Variants in ORC4 observed in about 807,000 individuals in gnomAD.
The protein encoded by ORC4 is origin recognition complex, subunit 4 homolog.
Under a neutral mutation model 63.9 loss-of-function variants are expected in ORC4, and 55 were observed. The observed-to-expected ratio is 0.86, with a 90% CI of 0.69 to 1.08. The LOEUF is 1.08. Ranked by LOEUF, ORC4 falls within the 50% of genes least tolerant of loss-of-function variation. ORC4 has a pLI of 0.00. For synonymous variants in ORC4, 150 were observed against 168.5 expected, an observed-to-expected ratio of 0.89 and a Z score of 0.85; for missense variants, 511 against 504.4, an observed-to-expected ratio of 1.01 and a Z score of -0.13.
intron 4 of ORC4, among the ~76,000 whole-genome samples, chr2:147,960,856 G>A (rs923255001): frequency 1.3e-5 from 2 of 152,126 alleles, no homozygotes; most frequent in Non-Finnish European, 1.5e-5. Flanking sequence ...GCCGCTGGGC[G>A]CCAGCATGGG....
At chr2:148,011,647 G>T (rs1356757414) in intron 1 of ORC4, among the ~76,000 whole-genome samples, 1 of 152,122 alleles carries the variant, frequency 6.6e-6, no homozygotes, top group Non-Finnish European at 1.5e-5. Flanking sequence ...TGAAATAAAG[G>T]GCATTTAAAT....
chr2:147,960,012 T>G (rs1334286377), intron 4 of ORC4, among the ~76,000 whole-genome samples: 3 of 152,202 alleles, frequency 2.0e-5, no homozygotes, highest in Non-Finnish European at 4.4e-5. Context: ...TTATTTTTTT[T>G]GCAATCCATG....
At chr2:148,020,094 A>T (rs576260663) in intron 1 of ORC4, among the ~76,000 whole-genome samples, 2 of 152,212 alleles carry the variant, frequency 1.3e-5, no homozygotes, top group Non-Finnish European at 2.9e-5. Flanking sequence ...TGTTGTAGCA[A>T]CAACGCAAGA....
chr2:148,005,706 C>T (rs1207265811), intron 1 of ORC4, among the ~76,000 whole-genome samples: 2 of 144,298 alleles, frequency 1.4e-5, no homozygotes, highest in African/African-American at 5.1e-5. Flanking sequence ...TCAGCTGGCA[C>T]AGTGGTACAT....
chr2:147,965,133 G>T (rs1689827011), intron 4 of ORC4, among the ~76,000 whole-genome samples: 1 of 152,002 alleles, frequency 6.6e-6, no homozygotes, highest in Admixed American at 6.6e-5. Context: ...AAACTCACTG[G>T]TACTGCGGAT....
chr2:147,991,570 T>C (rs1355306969), intron 1 of ORC4, among the ~76,000 whole-genome samples: 1 of 152,104 alleles, frequency 6.6e-6, no homozygotes, highest in African/African-American at 2.4e-5. Flanking sequence ...GGCTCACACC[T>C]GTAATCCCAG....
intron 10 of ORC4, among the ~76,000 whole-genome samples, chr2:147,942,569 A>G (rs1308938772): frequency 1.3e-5 from 2 of 152,154 alleles, no homozygotes; most frequent in Non-Finnish European, 2.9e-5. Flanking sequence ...AACTCTCAGC[A>G]AGTTACAAAC....
intron 1 of ORC4, among the ~76,000 whole-genome samples, chr2:147,984,906 T>C (rs1213250753): frequency 6.6e-6 from 1 of 152,248 alleles, no homozygotes; most frequent in Admixed American, 6.5e-5. Flanking sequence ...CAATCACATG[T>C]ATATTCATAC....
intron 10 of ORC4, 146 bp downstream of exon 10, chr2:147,943,290 C>A: frequency 1.5e-6 from 1 of 664,262 alleles, no homozygotes. Context: ...GTGGTTGATG[C>A]TTGTAATGTC....
chr2:147,953,786 A>G (rs572563480), intron 7 of ORC4, among the ~76,000 whole-genome samples: 1 of 152,302 alleles, frequency 6.6e-6, no homozygotes, highest in Admixed American at 6.5e-5. Context: ...TAACGCCTTT[A>G]TATTTGTGTT....
chr2:147,962,726 C>T (rs1689670019), intron 4 of ORC4, among the ~76,000 whole-genome samples: 2 of 152,094 alleles, frequency 1.3e-5, no homozygotes, highest in African/African-American at 4.8e-5. Context: ...GCAGCTGATA[C>T]ACCCCTTGCA....
At chr2:148,006,462 G>C (rs1692638586) in intron 1 of ORC4, among the ~76,000 whole-genome samples, 3 of 152,148 alleles carry the variant, frequency 2.0e-5, no homozygotes, top group Admixed American at 2.0e-4. Flanking sequence ...ATAAAACCCA[G>C]TGCAATACCA....
chr2:147,963,770 C>T lies in ORC4; in HGVS notation c.226-4904G>A, dbSNP rs553595470. 4.9e-4 allele frequency among the ~76,000 whole-genome samples: 75 copies of T among 152,206 alleles called. 1 individual carries two copies. Among genetic ancestry groups the T allele is most frequent in the Admixed American group, 4.3e-3 (66 of 15,292 alleles). ...ACTGAGAACCAGCCCAGCAAACCCA[C>T]CCCTTGCAAAGCTGTACAACTGCCA... On this transcript the variant is annotated intron_variant, in intron 4 of 13. Transcript: ENST00000392857.
At chr2:148,004,091 T>C (rs1480735214) in intron 1 of ORC4, among the ~76,000 whole-genome samples, 1 of 152,066 alleles carries the variant, frequency 6.6e-6, no homozygotes, top group Non-Finnish European at 1.5e-5. Context: ...TACAAACCAC[T>C]GCTCAAGGAA....
intron 8 of ORC4, 52 bp from the exon 9 acceptor site, chr2:147,948,276 C>CAAAA: frequency 8.1e-7 from 1 of 1,237,828 alleles, no homozygotes; most frequent in Admixed American, 1.8e-5. Context: ...TTTAAAAAAA[C>CAAAA]AAAAACACTG....
At position 147,973,439 on chromosome 2, in the gene ORC4, T is replaced by C; in HGVS notation, c.134+9A>G. 6.4e-7 allele frequency: 1 copy of C among 1,556,374 alleles called. No individual in the cohort carries two copies. The highest frequency in any genetic ancestry group is 8.9e-7 in the Non-Finnish European group (1 of 1,127,676). On this transcript the variant is annotated intron_variant, in intron 3 of 13. Transcript: ENST00000392857. ...GGTCCATAACAGTCAAGAGGACAGC[T>C]AGACTTACTTGTATTGTACTTGCAC...
chr2:147,980,644 CA>C (rs1180375193), intron 1 of ORC4, among the ~76,000 whole-genome samples: 1 of 151,962 alleles, frequency 6.6e-6, no homozygotes, highest in Non-Finnish European at 1.5e-5. Context: ...CAGGGAAGTA[CA>C]AACAAAACCA....
intron 1 of ORC4, among the ~76,000 whole-genome samples, chr2:147,999,516 T>G (rs1035054689): frequency 2.6e-5 from 4 of 152,172 alleles, no homozygotes. Context: ...CCAGATTCTA[T>G]GCATCAGTTT....
At chr2:148,019,963 A>G (rs962002178) in intron 1 of ORC4, among the ~76,000 whole-genome samples, 2 of 152,062 alleles carry the variant, frequency 1.3e-5, no homozygotes, top group African/African-American at 4.8e-5. Flanking sequence ...TCCTTTTAAA[A>G]CTCTCATCTA....
Sources: gnomAD v4.1 joint callset for allele counts (sites outside exome capture counted in the v4.1 genomes callset) on GRCh38, gnomAD v4.1.1 for gene constraint, MANE v1.5 for transcripts, NCBI Gene and HGNC (gene_info 2026-07-23, HGNC 2026-07-21) for gene names.